Variants in CCDC60 observed in about 807,000 individuals in gnomAD.
CCDC60 encodes coiled-coil domain containing 60.
A neutral mutation model predicts 63.5 loss-of-function variants in CCDC60; 54 were observed. The observed-to-expected ratio is 0.85, with a 90% confidence interval of 0.68 to 1.07. CCDC60 has a LOEUF of 1.07. Among genes scored for constraint, CCDC60 ranks in the 50% least tolerant of loss-of-function variants. The pLI is 0.00. For synonymous variants in CCDC60, 206 were observed against 238.8 expected, an observed-to-expected ratio of 0.86 and a Z score of 1.27; for missense variants, 651 against 684.3, an observed-to-expected ratio of 0.95 and a Z score of 0.54.
At chr12:119,423,422 C>T (rs1012221380) in intron 1 of CCDC60, among the ~76,000 whole-genome samples, 2 of 152,158 alleles carry the variant, frequency 1.3e-5, no homozygotes, top group Non-Finnish European at 2.9e-5. Flanking sequence ...CTGCTCCCAC[C>T]GGGGGCTGAT....
At chr12:119,506,617 G>GAGAAAAGA in intron 7 of CCDC60, among the ~76,000 whole-genome samples, 1 of 151,802 alleles carries the variant, frequency 6.6e-6, no homozygotes, top group South Asian at 2.1e-4. Context: ...GTCTCAAAAA[G>GAGAAAAGA]AGAAAAGAAG....
At chr12:119,336,023 T>C (rs1406013142) in intron 1 of CCDC60, among the ~76,000 whole-genome samples, 2 of 143,220 alleles carry the variant, frequency 1.4e-5, no homozygotes, top group African/African-American at 5.2e-5. Context: ...ATATTCTCAC[T>C]CATAGGTGGG....
intron 6 of CCDC60, among the ~76,000 whole-genome samples, chr12:119,502,662 T>G (rs1395417508): frequency 1.3e-5 from 2 of 152,122 alleles, no homozygotes; most frequent in Non-Finnish European, 2.9e-5. Flanking sequence ...TTTGGGAGCA[T>G]AAGATGAAAT....
At chr12:119,404,346 G>T (rs11064778) in intron 1 of CCDC60, among the ~76,000 whole-genome samples, 11,297 of 152,136 alleles carry the variant, frequency 0.074, 556 homozygotes, top group Middle Eastern at 0.16. Flanking sequence ...ACCCTTGCTG[G>T]GTCAGTTGTG....
chr12:119,384,332 AAAG>A (rs1218253762), intron 1 of CCDC60, among the ~76,000 whole-genome samples: 1 of 152,252 alleles, frequency 6.6e-6, no homozygotes, highest in Non-Finnish European at 1.5e-5. Flanking sequence ...CTTCTTAAGA[AAAG>A]AAGAGGAGCA....
chr12:119,353,558 C>G (rs748527535), intron 1 of CCDC60, among the ~76,000 whole-genome samples: 1 of 148,600 alleles, frequency 6.7e-6, no homozygotes, highest in Non-Finnish European at 1.5e-5. Context: ...CTATGTTTCT[C>G]TCCTTCTCTC....
chr12:119,488,776 A>C lies in CCDC60; in HGVS notation c.467A>C (p.Gln156Pro), dbSNP rs1392943817. ...CTTTGCAGCGAGCCCCTCTTCCGCC[A>C]GCTCTGTGCTCTCCACTGGCTTCTG... The part of the protein sequence containing the change: ...TEAHVEPLFR[Q>P]LCALHWLLEA... Residue 156 changes from glutamine (Q) to proline (P), a missense_variant, in exon 5 of 14, where the codon CAG becomes CCG. Transcript: ENST00000327554. 6 of 1,614,178 alleles carry C rather than the reference A, an allele frequency of 3.7e-6. No individual in the cohort carries two copies. The South Asian group carries it at 6.6e-5, about 18-fold the overall frequency.
At chr12:119,475,116 T>G (rs549049780) in intron 3 of CCDC60, among the ~76,000 whole-genome samples, 2 of 152,294 alleles carry the variant, frequency 1.3e-5, no homozygotes, top group Admixed American at 1.3e-4. Context: ...CAGCACAAAT[T>G]GTGCCTACCT....
chr12:119,498,481 C>T lies in CCDC60; in HGVS notation c.558-1597C>T, dbSNP rs544433198. Among the ~76,000 whole-genome samples the T allele has an allele frequency of 3.2e-4, 48 of 152,166 alleles. No individual in the cohort carries two copies. The South Asian group carries it at 9.2e-3, about 29-fold the overall frequency. On this transcript the variant is annotated intron_variant, in intron 5 of 13. Coordinates refer to ENST00000327554, the MANE Select transcript of CCDC60 (RefSeq NM_178499.5). ...CAGAGCAGCTGGGATTACAGGTGTG[C>T]GCCACCACACCTGGCTAAATTTTTT...
At chr12:119,396,502 T>C (rs1211084543) in intron 1 of CCDC60, among the ~76,000 whole-genome samples, 1 of 152,024 alleles carries the variant, frequency 6.6e-6, no homozygotes, top group Non-Finnish European at 1.5e-5. Context: ...GGACCCACTA[T>C]CACAACAAGG....
At chr12:119,380,632 C>T (rs754627579) in intron 1 of CCDC60, among the ~76,000 whole-genome samples, 10 of 152,268 alleles carry the variant, frequency 6.6e-5, no homozygotes, top group Non-Finnish European at 1.3e-4. Context: ...AACATGAAAT[C>T]GCATAGCAGA....
At chr12:119,468,400 T>C (rs1466856642) in intron 2 of CCDC60, among the ~76,000 whole-genome samples, 1 of 152,200 alleles carries the variant, frequency 6.6e-6, no homozygotes, top group Non-Finnish European at 1.5e-5. Context: ...TGCACAATTT[T>C]ATACATAAGA....
intron 13 of CCDC60, among the ~76,000 whole-genome samples, chr12:119,531,815 C>T (rs914845855): frequency 7.9e-5 from 12 of 152,208 alleles, no homozygotes; most frequent in Non-Finnish European, 2.9e-5. Context: ...TCACCACCAT[C>T]ACCAGAAGAA....
rs1473118909 is a variant in CCDC60, at chr12:119,511,628, A to T, written c.884-4995A>T. ...ATGGATTTAGGCATTCAAGGGTGAGATTCTTAGACAGGCTGGGCATGGAAG... is the reference window on the plus strand; with the variant it reads ...ATGGATTTAGGCATTCAAGGGTGAGTTTCTTAGACAGGCTGGGCATGGAAG... On this transcript the variant is annotated intron_variant, in intron 7 of 13. Coordinates refer to ENST00000327554, the MANE Select transcript of CCDC60 (RefSeq NM_178499.5). Among the ~76,000 whole-genome samples, 3 of 152,202 alleles carry T rather than the reference A, an allele frequency of 2.0e-5. No homozygotes were observed. The East Asian group carries it at 5.8e-4, about 29-fold the overall frequency.
At chr12:119,467,999 G>A (rs548976094) in intron 2 of CCDC60, among the ~76,000 whole-genome samples, 2 of 151,980 alleles carry the variant, frequency 1.3e-5, no homozygotes, top group African/African-American at 4.8e-5. Context: ...AGGCAGCCAG[G>A]CACGGTGGCT....
At position 119,490,746 on chromosome 12, in the gene CCDC60, G is replaced by GT. The variant is rs1244239676; in HGVS notation, c.557+1886dup. Among the ~76,000 whole-genome samples, 84 of 151,682 alleles carry GT rather than the reference G, an allele frequency of 5.5e-4. 1 individual carries two copies. Among genetic ancestry groups the GT allele is most frequent in the Admixed American group, 5.5e-3 (84 of 15,226 alleles). On this transcript the variant is annotated intron_variant, in intron 5 of 13. Transcript: ENST00000327554. ...CACCTGCCATCATACCTGGCTAATT[G>GT]TTTTTTAAGTTTTTTAGAGATGGTG...
At chr12:119,466,993 A>G (rs1473231393) in intron 2 of CCDC60, among the ~76,000 whole-genome samples, 1 of 152,198 alleles carries the variant, frequency 6.6e-6, no homozygotes, top group African/African-American at 2.4e-5. Flanking sequence ...TATGGCAATG[A>G]CACAATGACC....
At position 119,428,780 on chromosome 12, in the gene CCDC60, G is replaced by T; in HGVS notation, c.170+18G>T. ...CGAAGCCGGTGAGTGAGCCCAGCAGGGAATGATCCATAGACAACCCAACAG... is the reference window on the plus strand; with the variant it reads ...CGAAGCCGGTGAGTGAGCCCAGCAGTGAATGATCCATAGACAACCCAACAG... On this transcript the variant is annotated intron_variant, in intron 2 of 13. Transcript: ENST00000327554. 6.5e-7 allele frequency: 1 copy of T among 1,540,298 alleles called. No individual in the cohort carries two copies. Among genetic ancestry groups the T allele is most frequent in the Non-Finnish European group, 8.9e-7 (1 of 1,121,210 alleles).
intron 1 of CCDC60, among the ~76,000 whole-genome samples, chr12:119,345,262 G>T (rs918026919): frequency 1.3e-5 from 2 of 152,192 alleles, no homozygotes; most frequent in Non-Finnish European, 1.5e-5. Context: ...CCAGCACTTT[G>T]GGAAGCCAAA....
Sources: allele counts gnomAD v4.1 joint callset (sites outside exome capture counted in the v4.1 genomes callset), GRCh38; gene constraint gnomAD v4.1.1; transcripts MANE v1.5; gene names NCBI Gene and HGNC (gene_info 2026-07-23, HGNC 2026-07-21).